Variants in RFT1 observed in about 807,000 individuals in gnomAD.
RFT1 encodes the protein RFT1 glycolipid translocator homolog.
Under a neutral mutation model 62.2 loss-of-function variants are expected in RFT1, and 43 were observed. The ratio of observed to expected loss-of-function variants is 0.69; its 90% CI spans 0.54 to 0.89. The LOEUF (loss-of-function observed/expected upper bound fraction) is 0.89. RFT1 is among the 40% of genes least tolerant of loss of function. The pLI is 0.00. For synonymous variants in RFT1, 262 were observed against 264.6 expected, an observed-to-expected ratio of 0.99 and a Z score of 0.10; for missense variants, 605 against 649.9, an observed-to-expected ratio of 0.93 and a Z score of 0.75.
chr3:53,111,078 AAAG>A (rs985998229), intron 7 of RFT1, among the ~76,000 whole-genome samples: 4 of 152,222 alleles, frequency 2.6e-5, no homozygotes, highest in South Asian at 2.1e-4. Flanking sequence ...TAATTTTTAA[AAAG>A]AAGAAGAAGA....
intron 1 of RFT1, among the ~76,000 whole-genome samples, chr3:53,128,648 C>T (rs1387187476): frequency 6.6e-6 from 1 of 152,146 alleles, no homozygotes; most frequent in African/African-American, 2.4e-5. Context: ...GTAGCTGGGA[C>T]TACAGGTGCA....
chr3:53,076,768 T>C, the RFT1 span, among the ~76,000 whole-genome samples: 1 of 151,886 alleles, frequency 6.6e-6, no homozygotes, highest in Non-Finnish European at 1.5e-5. Flanking sequence ...CTGGGCAACA[T>C]AGTGTGACCC....
chr3:53,098,175 T>G (rs910967800), intron 11 of RFT1, among the ~76,000 whole-genome samples: 2 of 152,216 alleles, frequency 1.3e-5, no homozygotes, highest in Non-Finnish European at 2.9e-5. Context: ...GCCAGCAGTT[T>G]CCAAAGCCCT....
intron 2 of RFT1, among the ~76,000 whole-genome samples, chr3:53,124,393 G>A (rs544766711): frequency 1.3e-5 from 2 of 152,280 alleles, no homozygotes; most frequent in African/African-American, 2.4e-5. Flanking sequence ...AGGAGTAGCT[G>A]AGATCTCCCC....
the RFT1 span, among the ~76,000 whole-genome samples, chr3:53,071,214 G>C: frequency 6.6e-6 from 1 of 152,150 alleles, no homozygotes; most frequent in African/African-American, 2.4e-5. Context: ...AACAAGGAAG[G>C]AAAAGGGAAA....
intron 11 of RFT1, among the ~76,000 whole-genome samples, chr3:53,093,163 A>T (rs1328666977): frequency 6.6e-6 from 1 of 152,214 alleles, no homozygotes; most frequent in Non-Finnish European, 1.5e-5. Flanking sequence ...TGGGAAATGC[A>T]GCACCCAGTA....
chr3:53,129,172 G>C (rs567834568), intron 1 of RFT1, among the ~76,000 whole-genome samples: 1 of 152,108 alleles, frequency 6.6e-6, no homozygotes, highest in East Asian at 1.9e-4. Flanking sequence ...CACATATCAC[G>C]TGCAAGGCAC....
the RFT1 span, chr3:53,077,694 C>T: frequency 6.6e-6 from 1 of 152,254 alleles, no homozygotes; most frequent in Non-Finnish European, 1.5e-5. Flanking sequence ...TTACTTGTGA[C>T]AGGTGCACAC....
chr3:53,126,783 G>A (rs2107175221), intron 1 of RFT1, among the ~76,000 whole-genome samples: 1 of 152,290 alleles, frequency 6.6e-6, no homozygotes, highest in South Asian at 2.1e-4. Flanking sequence ...ATTAAACAGG[G>A]TTGCTAAATG....
downstream of RFT1, among the ~76,000 whole-genome samples, chr3:53,085,122 G>A (rs1700829906): frequency 6.6e-6 from 1 of 152,206 alleles, no homozygotes; most frequent in Non-Finnish European, 1.5e-5. Flanking sequence ...TGCCCCCTCA[G>A]TGGAAGTGCC....
chr3:53,109,463 G>A (rs1425265186), intron 7 of RFT1, among the ~76,000 whole-genome samples: 2 of 152,196 alleles, frequency 1.3e-5, no homozygotes, highest in Non-Finnish European at 2.9e-5. Flanking sequence ...CTGGCATAGT[G>A]TTCAGGAAAT....
At position 53,111,917 on chromosome 3, in the gene RFT1, GAAAAC is replaced by G. The variant is rs763098152; in HGVS notation, c.697-14_697-10del. The G allele has an allele frequency of 3.7e-6, 6 of 1,609,266 alleles. No homozygotes were observed. In the African/African-American group the frequency reaches 5.3e-5, roughly 14 times the overall value. On this transcript the variant is annotated splice_polypyrimidine_tract_variant and intron_variant, in intron 6 of 12. Coordinates refer to ENST00000296292, the MANE Select transcript of RFT1 (RefSeq NM_052859.4). ...TTCCAGTTTATAAACGCCTAGAAGA[GAAAAC>G]AAAACAAAACAAAAACATCACAGGC...
At chr3:53,113,788 C>G (rs1701716773) in intron 6 of RFT1, among the ~76,000 whole-genome samples, 1 of 152,162 alleles carries the variant, frequency 6.6e-6, no homozygotes, top group Non-Finnish European at 1.5e-5. Flanking sequence ...CCAGAATGCT[C>G]TATAGCCACA....
chr3:53,121,852 A>G (rs1384533352), intron 4 of RFT1, 52 bp from the exon 5 acceptor site: 1 of 1,423,772 alleles, frequency 7.0e-7, no homozygotes. Context: ...AAAAGTCAAG[A>G]TGTAATGGAA....
At chr3:53,071,923 C>T in the RFT1 span, among the ~76,000 whole-genome samples, 1,734 of 152,346 alleles carry the variant, frequency 0.011, 28 homozygotes, top group African/African-American at 0.039. Context: ...AGCAGGGCTG[C>T]CAATGGTCCC....
chr3:53,076,822 T>C, the RFT1 span, among the ~76,000 whole-genome samples: 2 of 151,940 alleles, frequency 1.3e-5, no homozygotes, highest in African/African-American at 2.4e-5. Context: ...TAGCACACAC[T>C]TGTAGTCCCA....
At chr3:53,111,980 A>G in intron 6 of RFT1, 72 bp from the exon 7 acceptor site, 1 of 1,183,872 alleles carries the variant, frequency 8.4e-7, no homozygotes, top group Non-Finnish European at 1.3e-6. Context: ...GCTACATGAG[A>G]GGCAAATGCA....
intron 1 of RFT1, among the ~76,000 whole-genome samples, chr3:53,129,513 C>T (rs1397120492): frequency 6.6e-6 from 1 of 151,894 alleles, no homozygotes; most frequent in African/African-American, 2.4e-5. Context: ...AGGGTAGATT[C>T]GGGACTTGTG....
chr3:53,081,934 G>A, the RFT1 span, among the ~76,000 whole-genome samples: 1 of 152,046 alleles, frequency 6.6e-6, no homozygotes. Context: ...TTCCAAACTT[G>A]CTGGATTTTT....
Sources: allele counts gnomAD v4.1 joint callset (sites outside exome capture counted in the v4.1 genomes callset), GRCh38; gene constraint gnomAD v4.1.1; transcripts MANE v1.5; gene names NCBI Gene and HGNC (gene_info 2026-07-23, HGNC 2026-07-21).